The following CEP112 variants were observed in gnomAD, a reference collection of about 807,000 sequenced individuals.
CEP112 encodes the protein centrosomal protein 112, also known as centrosomal protein of 112 kDa.
In CEP112, 127 loss-of-function variants were observed where a neutral mutation model predicts 153.0. The observed-to-expected ratio is 0.83, with a 90% confidence interval of 0.72 to 0.96. The LOEUF is 0.96. Among genes scored for constraint, CEP112 ranks in the 40% least tolerant of loss-of-function variants. The probability of loss-of-function intolerance (pLI) is 0.00; values close to 1 mark genes in which losing one functional copy is unlikely to be tolerated. For missense variants in CEP112, 1,089 were observed against 1,101.2 expected (o/e 0.99, Z 0.16); for synonymous variants, 358 against 374.4 (o/e 0.96, Z 0.51).
intron 16 of CEP112, among the ~76,000 whole-genome samples, chr17:66,014,124 A>G (rs2064665077): frequency 6.6e-6 from 1 of 152,194 alleles, no homozygotes; most frequent in African/African-American, 2.4e-5. Context: ...CCATGCACAC[A>G]TGTGCCAATA....
At chr17:65,918,221 G>C (rs1259754276) in intron 19 of CEP112, among the ~76,000 whole-genome samples, 1 of 151,424 alleles carries the variant, frequency 6.6e-6, no homozygotes, top group Non-Finnish European at 1.5e-5. Flanking sequence ...AGAAGCCTAA[G>C]CTTGAAGGTT....
chr17:65,713,585 C>CTTTCTT (rs1036203601), intron 23 of CEP112, among the ~76,000 whole-genome samples: 3 of 152,024 alleles, frequency 2.0e-5, no homozygotes, highest in Non-Finnish European at 4.4e-5. Flanking sequence ...AGTCAATTGA[C>CTTTCTT]TTTCTTTTTT....
intron 21 of CEP112, among the ~76,000 whole-genome samples, chr17:65,766,869 G>A (rs2053014605): frequency 7.5e-6 from 1 of 132,686 alleles, no homozygotes; most frequent in Non-Finnish European, 1.6e-5. Flanking sequence ...GAGCACACTA[G>A]ACATTAGCCA....
chr17:65,722,242 TTTTC>T (rs538510712), intron 23 of CEP112, among the ~76,000 whole-genome samples: 1 of 151,934 alleles, frequency 6.6e-6, no homozygotes, highest in Non-Finnish European at 1.5e-5. Context: ...ATAGAGCCAA[TTTTC>T]TTTCTTTCTT....
At chr17:65,763,819 T>C (rs900027188) in intron 21 of CEP112, among the ~76,000 whole-genome samples, 4 of 152,134 alleles carry the variant, frequency 2.6e-5, no homozygotes, top group African/African-American at 9.7e-5. Flanking sequence ...CTGGTTCTGA[T>C]GCTTGCTCTG....
At chr17:65,852,877 T>C (rs59870786) in intron 20 of CEP112, among the ~76,000 whole-genome samples, 1,553 of 152,316 alleles carry the variant, frequency 0.01, 34 homozygotes, top group African/African-American at 0.036. Context: ...TCTTCTTTTC[T>C]GATTTATAAA....
At chr17:66,141,601 T>C (rs2070703086) in intron 4 of CEP112, among the ~76,000 whole-genome samples, 1 of 152,168 alleles carries the variant, frequency 6.6e-6, no homozygotes, top group Non-Finnish European at 1.5e-5. Context: ...GCTACCATTC[T>C]ACTCTCCTCT....
At chr17:65,958,666 A>G (rs867698736) in intron 18 of CEP112, among the ~76,000 whole-genome samples, 2 of 131,960 alleles carry the variant, frequency 1.5e-5, no homozygotes, top group Non-Finnish European at 1.7e-5. Context: ...TGGCAGCTCA[A>G]TGCTGGCCTG....
At chr17:66,022,812 A>G (rs975837876) in intron 16 of CEP112, among the ~76,000 whole-genome samples, 5 of 151,976 alleles carry the variant, frequency 3.3e-5, no homozygotes, top group African/African-American at 1.2e-4. Flanking sequence ...GCACAAAGAC[A>G]TCACAAAATC....
chr17:65,909,696 T>C (rs1022114741), intron 19 of CEP112, among the ~76,000 whole-genome samples: 4 of 151,888 alleles, frequency 2.6e-5, no homozygotes, highest in African/African-American at 9.7e-5. Context: ...ATACAGAACA[T>C]GAGAACATTC....
At chr17:65,777,036 C>T (rs1012349760) in intron 21 of CEP112, among the ~76,000 whole-genome samples, 1 of 152,094 alleles carries the variant, frequency 6.6e-6, no homozygotes, top group Non-Finnish European at 1.5e-5. Context: ...ATCTGCTGTC[C>T]AGAATAAAGA....
At chr17:66,136,153 C>T (rs1477996968) in intron 4 of CEP112, among the ~76,000 whole-genome samples, 1 of 152,092 alleles carries the variant, frequency 6.6e-6, no homozygotes, top group African/African-American at 2.4e-5. Flanking sequence ...TGCTGTCTTG[C>T]CTGAATCTTA....
chr17:65,932,717 GT>G (rs2061168334), intron 18 of CEP112, among the ~76,000 whole-genome samples: 1 of 151,598 alleles, frequency 6.6e-6, no homozygotes, highest in Non-Finnish European at 1.5e-5. Flanking sequence ...TGCCACACAC[GT>G]TTAACAACCG....
At chr17:65,969,933 C>A (rs1441675879) in intron 17 of CEP112, among the ~76,000 whole-genome samples, 1 of 152,162 alleles carries the variant, frequency 6.6e-6, no homozygotes, top group Non-Finnish European at 1.5e-5. Flanking sequence ...ACATGCGCTA[C>A]AGGCATGCAT....
At chr17:65,755,982 A>T (rs1306779084) in intron 21 of CEP112, among the ~76,000 whole-genome samples, 3 of 152,208 alleles carry the variant, frequency 2.0e-5, no homozygotes. Flanking sequence ...CAAGATATCC[A>T]GTGTATATAC....
chr17:65,937,008 G>C (rs923310418), intron 18 of CEP112, among the ~76,000 whole-genome samples: 2 of 150,106 alleles, frequency 1.3e-5, no homozygotes, highest in African/African-American at 4.9e-5. Context: ...GGTGGAGATG[G>C]GGTTTCGCTG....
chr17:65,653,237 G>T (rs2045878328), intron 24 of CEP112, among the ~76,000 whole-genome samples: 1 of 152,222 alleles, frequency 6.6e-6, no homozygotes, highest in African/African-American at 2.4e-5. Context: ...CTGGTCCACA[G>T]GTGGGGAACC....
intron 21 of CEP112, among the ~76,000 whole-genome samples, chr17:65,783,738 C>T (rs955797345): frequency 3.9e-5 from 6 of 152,274 alleles, no homozygotes; most frequent in East Asian, 1.9e-4. Context: ...TTTCCCCGTT[C>T]AGTTGACAAA....
intron 12 of CEP112, among the ~76,000 whole-genome samples, chr17:66,046,027 TAA>T (rs1482782741): frequency 1.4e-5 from 2 of 142,070 alleles, no homozygotes; most frequent in Non-Finnish European, 3.1e-5. Flanking sequence ...AGACAGACGT[TAA>T]AAAGTTTTTT....
Sources: allele counts gnomAD v4.1 joint callset (sites outside exome capture counted in the v4.1 genomes callset), GRCh38; gene constraint gnomAD v4.1.1; transcripts MANE v1.5; gene names NCBI Gene and HGNC (gene_info 2026-07-23, HGNC 2026-07-21).